PLSCR2: variants seen among roughly 807,000 people sequenced by gnomAD.
PLSCR2 encodes the protein PL scramblase 2.
A neutral mutation model predicts 25.3 loss-of-function variants in PLSCR2; 18 were observed. The observed-to-expected ratio is 0.71, with a 90% CI of 0.49 to 1.06. The LOEUF (loss-of-function observed/expected upper bound fraction) is 1.06. Ranked by LOEUF, PLSCR2 falls within the 50% of genes least tolerant of loss-of-function variation. PLSCR2 has a pLI of 0.00. For synonymous variants in PLSCR2, 88 were observed against 87.3 expected (o/e 1.01, Z -0.04); for missense variants, 243 against 269.5 (o/e 0.90, Z 0.69).
intron 5 of PLSCR2, among the ~76,000 whole-genome samples, chr3:146,451,071 T>C (rs1345355071): frequency 6.6e-6 from 1 of 151,234 alleles, no homozygotes; most frequent in East Asian, 1.9e-4. Flanking sequence ...AATACGTTGG[T>C]ATTTACAACA....
At chr3:146,441,013 A>C (rs2040209394), downstream of PLSCR2, among the ~76,000 whole-genome samples, 1 of 152,152 alleles carries the variant, frequency 6.6e-6, no homozygotes, top group African/African-American at 2.4e-5. Flanking sequence ...AACAATACCA[A>C]ATTTTAGAAT....
chr3:146,485,113 GAAA>G, intron 1 of PLSCR2, among the ~76,000 whole-genome samples: 1 of 134,216 alleles, frequency 7.5e-6, no homozygotes, highest in East Asian at 2.1e-4. Flanking sequence ...CAACTGGAAA[GAAA>G]AAAAAAAAAA....
At chr3:146,425,019 ATCT>A (rs1396723057) in intron 2 of PLSCR2, among the ~76,000 whole-genome samples, 1 of 34,968 alleles carries the variant, frequency 2.9e-5, no homozygotes, top group Non-Finnish European at 6.9e-5. Context: ...CTAAAAACAA[ATCT>A]TCTATCCATG....
At chr3:146,426,164 C>A (rs1443603901) in intron 2 of PLSCR2, among the ~76,000 whole-genome samples, 1 of 150,764 alleles carries the variant, frequency 6.6e-6, no homozygotes, top group Admixed American at 6.6e-5. Flanking sequence ...CTGTTTCCCC[C>A]CTTTATTTTC....
intron 1 of PLSCR2, among the ~76,000 whole-genome samples, chr3:146,483,114 C>G (rs1041872367): frequency 5.3e-5 from 8 of 151,744 alleles, no homozygotes; most frequent in African/African-American, 1.9e-4. Context: ...ATTTAGAAAA[C>G]CCCATCATCT....
chr3:146,427,704 G>T (rs2039405483), intron 2 of PLSCR2, among the ~76,000 whole-genome samples: 1 of 152,146 alleles, frequency 6.6e-6, no homozygotes, highest in South Asian at 2.1e-4. Flanking sequence ...CCCACAGGAA[G>T]AATTTCATTA....
At chr3:146,456,011 T>G (rs1372687044) in intron 3 of PLSCR2, among the ~76,000 whole-genome samples, 2 of 152,094 alleles carry the variant, frequency 1.3e-5, no homozygotes, top group Non-Finnish European at 2.9e-5. Context: ...AATTAGAAGA[T>G]CACATCGGAC....
At chr3:146,443,273 C>T (rs1455749699) in intron 6 of PLSCR2, among the ~76,000 whole-genome samples, 1 of 151,992 alleles carries the variant, frequency 6.6e-6, no homozygotes, top group Non-Finnish European at 1.5e-5. Context: ...CAGAGAAATA[C>T]TGGCCTCATA....
intron 1 of PLSCR2, among the ~76,000 whole-genome samples, chr3:146,472,825 A>C (rs902123313): frequency 3.9e-5 from 6 of 152,336 alleles, no homozygotes; most frequent in African/African-American, 1.2e-4. Context: ...CTTAAACAGC[A>C]GACATTTATT....
At chr3:146,468,207 C>T (rs1268352689) in intron 1 of PLSCR2, among the ~76,000 whole-genome samples, 1 of 152,210 alleles carries the variant, frequency 6.6e-6, no homozygotes, top group Non-Finnish European at 1.5e-5. Flanking sequence ...CAGCAATCCA[C>T]TCATTTTCCT....
intron 2 of PLSCR2, among the ~76,000 whole-genome samples, chr3:146,417,583 A>G (rs2039035397): frequency 6.6e-6 from 1 of 152,174 alleles, no homozygotes; most frequent in Admixed American, 6.5e-5. Flanking sequence ...TAGATGGGTC[A>G]GTTAACAACT....
chr3:146,394,813 G>C (rs2038218127), intron 3 of PLSCR2, among the ~76,000 whole-genome samples: 1 of 152,196 alleles, frequency 6.6e-6, no homozygotes. Flanking sequence ...TAATCCCCAA[G>C]TGGGGAGGGA....
intron 5 of PLSCR2, among the ~76,000 whole-genome samples, chr3:146,449,896 GA>G (rs2040799465): frequency 6.6e-6 from 1 of 152,182 alleles, no homozygotes; most frequent in African/African-American, 2.4e-5. Flanking sequence ...CAGTTTGAGT[GA>G]AGAAAAGCAA....
At chr3:146,479,301 T>C (rs2043045178) in intron 1 of PLSCR2, among the ~76,000 whole-genome samples, 1 of 152,042 alleles carries the variant, frequency 6.6e-6, no homozygotes, top group Non-Finnish European at 1.5e-5. Context: ...GACTGGCAAA[T>C]TGGATAAAGA....
chr3:146,463,562 C>G (rs770001031), upstream of PLSCR2, among the ~76,000 whole-genome samples: 2 of 152,186 alleles, frequency 1.3e-5, no homozygotes, highest in Non-Finnish European at 2.9e-5. Flanking sequence ...GCTATCCAGT[C>G]ACTGTTTTCT....
chr3:146,430,273 G>C (rs1275657115), downstream of PLSCR2, among the ~76,000 whole-genome samples: 1 of 152,118 alleles, frequency 6.6e-6, no homozygotes, highest in Non-Finnish European at 1.5e-5. Context: ...AATACAGGTA[G>C]ATACTACTAT....
intron 2 of PLSCR2, among the ~76,000 whole-genome samples, chr3:146,459,340 A>C (rs556586836): frequency 1.3e-5 from 2 of 152,348 alleles, no homozygotes; most frequent in African/African-American, 4.8e-5. Flanking sequence ...TTTAAGTGTC[A>C]AGAAAATTAT....
chr3:146,477,842 C>A (rs199901082), intron 1 of PLSCR2, among the ~76,000 whole-genome samples: 1 of 152,176 alleles, frequency 6.6e-6, no homozygotes, highest in East Asian at 1.9e-4. Flanking sequence ...GGGGCTGACA[C>A]ACACCTGATA....
intron 1 of PLSCR2, among the ~76,000 whole-genome samples, chr3:146,484,676 T>C (rs1238817497): frequency 6.6e-6 from 1 of 152,098 alleles, no homozygotes; most frequent in East Asian, 1.9e-4. Context: ...CAGAATTTTA[T>C]TTCTGGCCAA....
Sources: gnomAD v4.1 joint callset for allele counts (sites outside exome capture counted in the v4.1 genomes callset) on GRCh38, gnomAD v4.1.1 for gene constraint, MANE v1.5 for transcripts, NCBI Gene and HGNC (gene_info 2026-07-23, HGNC 2026-07-21) for gene names.